NTNG2: variants seen among roughly 807,000 people sequenced by gnomAD.
The protein encoded by NTNG2 is netrin G2.
In NTNG2, 15 loss-of-function variants were observed where a neutral mutation model predicts 47.6. The ratio of observed to expected loss-of-function variants is 0.32; its 90% CI spans 0.21 to 0.49. NTNG2 has a LOEUF of 0.49. NTNG2 is among the 20% of genes least tolerant of loss of function. The pLI is 0.99. For synonymous variants in NTNG2, 307 were observed against 324.6 expected (o/e 0.95, Z 0.58); for missense variants, 578 against 764.6 (o/e 0.76, Z 2.88).
intron 3 of NTNG2, among the ~76,000 whole-genome samples, chr9:132,207,520 C>T (rs1268616062): frequency 6.6e-6 from 1 of 152,218 alleles, no homozygotes; most frequent in African/African-American, 2.4e-5. Context: ...CCAATCACAT[C>T]GGATAAGGGC....
chr9:132,228,558 C>CTTTTTTT (rs56250915), intron 4 of NTNG2, among the ~76,000 whole-genome samples: 2 of 145,214 alleles, frequency 1.4e-5, no homozygotes, highest in Non-Finnish European at 1.5e-5. Flanking sequence ...TCACACCCTC[C>CTTTTTTT]TTTTTTTTTT....
chr9:132,231,597 C>G lies in NTNG2; in HGVS notation c.1054+1002C>G, dbSNP rs1464587111. The G allele has an allele frequency of 3.3e-6, 1 of 303,802 alleles. No individual in the cohort carries two copies. The highest frequency in any genetic ancestry group is 2.3e-5 in the African/African-American group (1 of 43,642). The allele number at this position is 303,802 out of a possible 1,614,324, so 18.8% of individuals were successfully genotyped here. ...AGTTGCTTCTCTGTGGTGTCCCCAC[C>G]CCGGCAACCCCCCAACCCTCTCTTG... On this transcript the variant is annotated intron_variant, in intron 5 of 7. Coordinates refer to ENST00000393229, the MANE Select transcript of NTNG2 (RefSeq NM_032536.4). This position sits in a 1 kb window ranked among gnomAD's most constrained non-coding sequence, Gnocchi z 4.1.
At chr9:132,165,138 G>A (rs1431417357) in intron 1 of NTNG2, among the ~76,000 whole-genome samples, 1 of 152,142 alleles carries the variant, frequency 6.6e-6, no homozygotes, top group Non-Finnish European at 1.5e-5. Flanking sequence ...CTTTTTTACT[G>A]CAGTAACCTT....
At chr9:132,214,119 A>G (rs1286626981) in intron 3 of NTNG2, among the ~76,000 whole-genome samples, 1 of 152,060 alleles carries the variant, frequency 6.6e-6, no homozygotes, top group African/African-American at 2.4e-5. Context: ...CGCTCACCCA[A>G]ACTCACCGCT....
intron 2 of NTNG2, among the ~76,000 whole-genome samples, chr9:132,169,408 C>G (rs1042631265): frequency 6.6e-6 from 1 of 152,216 alleles, no homozygotes; most frequent in Admixed American, 6.5e-5. Flanking sequence ...GGGGTGGTTA[C>G]TTCTAGATAG....
Position 132,201,139 on chromosome 9 carries a change from T to C in NTNG2, c.857+2530T>C, listed in dbSNP as rs368156730. ...CCTCATGTCTGGGCCAGCTGTAGGA[T>C]CCAGACTGGGACTGTGATGCTCAGG... On this transcript the variant is annotated intron_variant, in intron 3 of 7. Coordinates refer to ENST00000393229, the MANE Select transcript of NTNG2 (RefSeq NM_032536.4). Among the ~76,000 whole-genome samples the C allele has an allele frequency of 4.6e-5, 7 of 152,342 alleles. No individual in the cohort carries two copies. The East Asian group carries it at 1.4e-3, about 29-fold the overall frequency.
At position 132,236,336 on chromosome 9, in the gene NTNG2, G is replaced by A. The variant is rs1375727968; in HGVS notation, c.1055-2768G>A. On this transcript the variant is annotated intron_variant, in intron 5 of 7. Coordinates refer to ENST00000393229, the MANE Select transcript of NTNG2 (RefSeq NM_032536.4). The surrounding 1 kb of genome is among the most constrained non-coding windows in gnomAD (Gnocchi z 4.3). ...GAAGACACTGACATCCTCCTGCTAC[G>A]TGGGAGGAGACACAGGGCTCATCTG... Among the ~76,000 whole-genome samples, 11 of 152,216 alleles carry A rather than the reference G, an allele frequency of 7.2e-5. No individual in the cohort carries two copies. Among genetic ancestry groups the A allele is most frequent in the Admixed American group, 7.2e-4 (11 of 15,284 alleles).
chr9:132,186,609 G>C (rs1837403824), intron 2 of NTNG2, among the ~76,000 whole-genome samples: 1 of 152,190 alleles, frequency 6.6e-6, no homozygotes, highest in South Asian at 2.1e-4. Flanking sequence ...CCTCTCCCGG[G>C]CAGCTCGTCC....
intron 5 of NTNG2, among the ~76,000 whole-genome samples, chr9:132,238,000 A>G (rs1012019493): frequency 6.6e-6 from 1 of 152,188 alleles, no homozygotes; most frequent in African/African-American, 2.4e-5. Flanking sequence ...CTAGTCTCCC[A>G]TGCCCTTGAC....
At chr9:132,210,976 C>T (rs1039345043) in intron 3 of NTNG2, among the ~76,000 whole-genome samples, 3 of 152,222 alleles carry the variant, frequency 2.0e-5, no homozygotes, top group Admixed American at 6.5e-5. Context: ...GCCCCACCCA[C>T]ACATGTGAAT....
chr9:132,216,424 G>C (rs1289901500), intron 3 of NTNG2, among the ~76,000 whole-genome samples: 455 of 35,104 alleles, frequency 0.013, 4 homozygotes, highest in African/African-American at 0.032. Context: ...CTGTGTGTGT[G>C]TGTATGTGTG....
rs1273065468 is a variant in NTNG2, at chr9:132,241,019, G to C, written c.1332G>C (p.Thr444=). Residue 444 remains threonine (T), a synonymous_variant, in exon 7 of 8, where the codon ACG becomes ACC. Transcript: ENST00000393229. Reference sequence around the variant, plus strand: ...CCAAGTGCGACGACTGCCTCCCCACGCACTACTGGCGCCAGGGCTGCTACC... The same window carrying C: ...CCAAGTGCGACGACTGCCTCCCCACCCACTACTGGCGCCAGGGCTGCTACC... ...AGPKCDDCLP[T]HYWRQGCYPN... 1.2e-6 allele frequency: 2 copies of C among 1,606,484 alleles called. No individual in the cohort carries two copies. Among genetic ancestry groups the C allele is most frequent in the African/African-American group, 1.3e-5 (1 of 74,984 alleles).
At chr9:132,213,716 C>A (rs1188159927) in intron 3 of NTNG2, among the ~76,000 whole-genome samples, 2 of 152,170 alleles carry the variant, frequency 1.3e-5, no homozygotes, top group Admixed American at 1.3e-4. Flanking sequence ...AACAAAAGAA[C>A]ACTCTTCACC....
At chr9:132,200,546 G>A (rs1426890091) in intron 3 of NTNG2, among the ~76,000 whole-genome samples, 3 of 152,386 alleles carry the variant, frequency 2.0e-5, no homozygotes, top group East Asian at 3.9e-4. Flanking sequence ...CTGGAAGCCC[G>A]TTTGCCAGCC....
chr9:132,208,691 AGAGGT>A lies in NTNG2; in HGVS notation c.857+10087_857+10091del, dbSNP rs1394104907. On this transcript the variant is annotated intron_variant, in intron 3 of 7. Coordinates refer to ENST00000393229, the MANE Select transcript of NTNG2 (RefSeq NM_032536.4). This position sits in a 1 kb window ranked among gnomAD's most constrained non-coding sequence, Gnocchi z 4.0. Reference sequence around the variant, plus strand: ...AAATTTTGCCTTGTCAAATGGGGACAGAGGTGAGGGGATTTTCTGGAGGGGAATTT... The same window carrying A: ...AAATTTTGCCTTGTCAAATGGGGACAGAGGGGATTTTCTGGAGGGGAATTT... 2.0e-5 allele frequency among the ~76,000 whole-genome samples: 3 copies of A among 152,130 alleles called. No homozygotes were observed. Among genetic ancestry groups the A allele is most frequent in the Admixed American group, 6.5e-5 (1 of 15,276 alleles).
At chr9:132,185,833 G>A (rs1252049628) in intron 2 of NTNG2, among the ~76,000 whole-genome samples, 1 of 101,136 alleles carries the variant, frequency 9.9e-6, no homozygotes, top group Non-Finnish European at 1.9e-5. Context: ...GGAGGAGGAG[G>A]AGGAGTGGGA....
Position 132,165,614 on chromosome 9 carries a change from T to C in NTNG2, c.-483-735T>C, listed in dbSNP as rs1835456046. On this transcript the variant is annotated intron_variant, in intron 1 of 7. Coordinates refer to ENST00000393229, the MANE Select transcript of NTNG2 (RefSeq NM_032536.4). ...GGAGCACTCTGTTCATCTGTACATA[T>C]AGGTATGGGTCCATCTGCACCTATA... 2.6e-5 allele frequency among the ~76,000 whole-genome samples: 4 copies of C among 152,246 alleles called. No individual in the cohort carries two copies. In the South Asian group the frequency reaches 8.3e-4, roughly 31 times the overall value.
chr9:132,194,445 G>C (rs1838128358), intron 2 of NTNG2, among the ~76,000 whole-genome samples: 1 of 152,220 alleles, frequency 6.6e-6, no homozygotes, highest in South Asian at 2.1e-4. Flanking sequence ...CCAGGCAACA[G>C]CACAGGACAG....
At chr9:132,238,843 T>C (rs1841807055) in intron 5 of NTNG2, 3 of 547,792 alleles carry the variant, frequency 5.5e-6, no homozygotes, top group Non-Finnish European at 9.9e-6. Flanking sequence ...CCACTGGCCC[T>C]CCCTGGTTCC....
Sources: allele counts gnomAD v4.1 joint callset (sites outside exome capture counted in the v4.1 genomes callset), GRCh38; gene constraint gnomAD v4.1.1; non-coding constraint Gnocchi (gnomAD v3.1); transcripts MANE v1.5; gene names NCBI Gene and HGNC (gene_info 2026-07-23, HGNC 2026-07-21).